Variants in SLC25A21 observed in about 807,000 individuals in gnomAD.
The protein encoded by SLC25A21 is mitochondrial 2-oxodicarboxylate carrier.
Under a neutral mutation model 43.8 loss-of-function variants are expected in SLC25A21, and 47 were observed. The observed-to-expected ratio is 1.07, with a 90% CI of 0.85 to 1.37. SLC25A21 has a LOEUF of 1.37. SLC25A21 is among the 40% of genes most tolerant of loss of function. The probability of loss-of-function intolerance (pLI) is 0.00; values close to 1 mark genes in which losing one functional copy is unlikely to be tolerated. For synonymous variants in SLC25A21, 131 were observed against 121.3 expected (o/e 1.08, Z -0.52); for missense variants, 352 against 350.2 (o/e 1.00, Z -0.04).
At chr14:36,726,902 C>T (rs139871752) in intron 5 of SLC25A21, among the ~76,000 whole-genome samples, 169 of 151,770 alleles carry the variant, frequency 1.1e-3, no homozygotes, top group African/African-American at 3.9e-3. Context: ...TAGGAGAGGA[C>T]GGAGGGAGAA....
chr14:36,904,413 A>G (rs1004560703), intron 1 of SLC25A21, among the ~76,000 whole-genome samples: 1 of 152,194 alleles, frequency 6.6e-6, no homozygotes, highest in Non-Finnish European at 1.5e-5. Flanking sequence ...TTGCAAGCCT[A>G]ATTTCTCTGG....
At chr14:36,750,739 C>T (rs999630006) in intron 3 of SLC25A21, among the ~76,000 whole-genome samples, 11 of 152,232 alleles carry the variant, frequency 7.2e-5, no homozygotes, top group East Asian at 3.9e-4. Context: ...TACTCTATCA[C>T]GCTAATGAAG....
intron 1 of SLC25A21, among the ~76,000 whole-genome samples, chr14:37,095,517 C>G (rs191353308): frequency 3.9e-4 from 59 of 152,078 alleles, no homozygotes; most frequent in African/African-American, 1.4e-3. Context: ...GACTCCATCT[C>G]GACAAACAAA....
intron 1 of SLC25A21, among the ~76,000 whole-genome samples, chr14:36,888,889 C>T (rs1253593052): frequency 6.6e-6 from 1 of 152,160 alleles, no homozygotes; most frequent in Non-Finnish European, 1.5e-5. Context: ...TTACTTCTTG[C>T]AATCATATTC....
chr14:36,930,760 A>G (rs1350225446), intron 1 of SLC25A21, among the ~76,000 whole-genome samples: 2 of 152,120 alleles, frequency 1.3e-5, no homozygotes, highest in African/African-American at 2.4e-5. Flanking sequence ...GGTCTGGCAC[A>G]TGAGGGTCTT....
intron 7 of SLC25A21, among the ~76,000 whole-genome samples, chr14:36,695,870 T>G (rs1882998681): frequency 6.6e-6 from 1 of 152,180 alleles, no homozygotes; most frequent in South Asian, 2.1e-4. Flanking sequence ...CAATTTGACT[T>G]CCTCATTTTC....
Position 36,679,617 on chromosome 14 carries a change from C to CATT in SLC25A21, c.*1038_*1040dup. On this transcript the variant is annotated 3_prime_UTR_variant, in exon 10 of 10. Coordinates refer to ENST00000331299, the MANE Select transcript of SLC25A21 (RefSeq NM_030631.4). ...TGCTAAGTGTATTTCTTTTTCAGAA[C>CATT]ATTTCCCCTTCATCATACATATTTT... 2 of 985,356 alleles carry CATT rather than the reference C, an allele frequency of 2.0e-6. No homozygotes were observed. The highest frequency in any genetic ancestry group is 2.4e-6 in the Non-Finnish European group (2 of 829,900). 61.0% of individuals were successfully genotyped at this position (985,356 alleles called of 1,614,324 possible). A position where few individuals can be genotyped will look rare whatever the true frequency, so the allele number is the denominator to read the frequency against.
intron 2 of SLC25A21, among the ~76,000 whole-genome samples, chr14:36,843,746 A>G (rs960175203): frequency 3.9e-5 from 6 of 152,222 alleles, no homozygotes; most frequent in African/African-American, 1.2e-4. Flanking sequence ...CATTTCATTC[A>G]CAAAATTAGC....
chr14:36,756,261 T>C (rs1885923582), intron 3 of SLC25A21, among the ~76,000 whole-genome samples: 1 of 152,212 alleles, frequency 6.6e-6, no homozygotes, highest in South Asian at 2.1e-4. Flanking sequence ...GATTGGAAGC[T>C]GGTGCCAGTT....
chr14:36,934,047 GA>G (rs1892357764), intron 1 of SLC25A21, among the ~76,000 whole-genome samples: 1 of 152,102 alleles, frequency 6.6e-6, no homozygotes, highest in Non-Finnish European at 1.5e-5. Context: ...TGGATAAAAG[GA>G]AATGATTAAT....
intron 1 of SLC25A21, among the ~76,000 whole-genome samples, chr14:36,951,687 G>A (rs1171547629): frequency 6.6e-6 from 1 of 152,062 alleles, no homozygotes. Flanking sequence ...AGATGATCCA[G>A]TCTAGGCCTG....
intron 1 of SLC25A21, among the ~76,000 whole-genome samples, chr14:36,917,849 A>G (rs1484831285): frequency 6.6e-6 from 1 of 152,204 alleles, no homozygotes; most frequent in Non-Finnish European, 1.5e-5. Flanking sequence ...GAGAAAGCTG[A>G]AGATTCAGAA....
intron 4 of SLC25A21, among the ~76,000 whole-genome samples, chr14:36,732,522 C>T (rs1006578221): frequency 1.3e-5 from 2 of 152,094 alleles, no homozygotes; most frequent in Admixed American, 1.3e-4. Flanking sequence ...TATTTAGCAT[C>T]AGTAAGTCTT....
intron 1 of SLC25A21, among the ~76,000 whole-genome samples, chr14:37,060,803 A>C (rs1259936267): frequency 5.9e-5 from 9 of 152,194 alleles, no homozygotes; most frequent in Admixed American, 4.6e-4. Context: ...AAAGAGTATT[A>C]TTTAAAAACT....
intron 7 of SLC25A21, among the ~76,000 whole-genome samples, chr14:36,693,652 AAGAC>A (rs1391872284): frequency 6.6e-6 from 1 of 152,058 alleles, no homozygotes; most frequent in Non-Finnish European, 1.5e-5. Flanking sequence ...TTTATTTTTT[AAGAC>A]AGGCTCTTGT....
chr14:36,763,704 A>G (rs1045170745), intron 3 of SLC25A21, among the ~76,000 whole-genome samples: 3 of 151,958 alleles, frequency 2.0e-5, no homozygotes, highest in Non-Finnish European at 4.4e-5. Context: ...GAAGACCAGA[A>G]AAGGCAGCCT....
intron 1 of SLC25A21, among the ~76,000 whole-genome samples, chr14:37,121,117 T>C (rs1439458890): frequency 6.6e-6 from 1 of 152,178 alleles, no homozygotes; most frequent in Non-Finnish European, 1.5e-5. Flanking sequence ...CCTTTAAAAG[T>C]GACTTTCAAA....
intron 1 of SLC25A21, among the ~76,000 whole-genome samples, chr14:37,046,184 G>C (rs943642478): frequency 6.6e-6 from 1 of 152,080 alleles, no homozygotes; most frequent in Non-Finnish European, 1.5e-5. Context: ...AAGGGTTCTT[G>C]CTCTTCACCA....
intron 2 of SLC25A21, chr14:36,870,505 A>C (rs1020585351): frequency 6.6e-6 from 1 of 152,138 alleles, no homozygotes; most frequent in Non-Finnish European, 1.5e-5. Context: ...TCTTTACAGC[A>C]TGTCTCTTTC....
Sources: gnomAD v4.1 joint callset for allele counts (sites outside exome capture counted in the v4.1 genomes callset) on GRCh38, gnomAD v4.1.1 for gene constraint, MANE v1.5 for transcripts, NCBI Gene and HGNC (gene_info 2026-07-23, HGNC 2026-07-21) for gene names.